CDK15: variants seen among roughly 807,000 people sequenced by gnomAD.
CDK15 encodes the protein cyclin-dependent kinase 15.
Under a neutral mutation model 60.3 loss-of-function variants are expected in CDK15, and 62 were observed. The observed-to-expected ratio is 1.03, with a 90% CI of 0.84 to 1.27. The LOEUF (loss-of-function observed/expected upper bound fraction) is 1.27. Among genes scored for constraint, CDK15 ranks in the 50% most tolerant of loss-of-function variants. The pLI, the probability that CDK15 is intolerant of heterozygous loss-of-function variation, is 0.00. For missense variants in CDK15, 541 were observed against 527.8 expected (o/e 1.03, Z -0.25); for synonymous variants, 194 against 195.7 (o/e 0.99, Z 0.07).
chr2:201,854,992 A>G (rs1227750077), intron 10 of CDK15, 55 bp downstream of exon 10: 1 of 1,531,546 alleles, frequency 6.5e-7, no homozygotes, highest in African/African-American at 1.4e-5. Context: ...TAAGGAGAGC[A>G]TTGGCCACGC....
intron 12 of CDK15, 29 bp downstream of exon 12, chr2:201,880,196 G>A (rs771636237): frequency 3.7e-6 from 6 of 1,611,294 alleles, no homozygotes; most frequent in Admixed American, 1.7e-5. Flanking sequence ...GCGTGTGCGT[G>A]AGTGCATGTG....
intron 8 of CDK15, 35 bp downstream of exon 8, chr2:201,835,798 AC>A (rs1696982785): frequency 6.9e-7 from 1 of 1,442,040 alleles, no homozygotes; most frequent in Non-Finnish European, 9.3e-7. Flanking sequence ...GAGTCATCCT[AC>A]TCACGAGGGT....
chr2:201,850,639 C>A (rs1574900627), intron 9 of CDK15, among the ~76,000 whole-genome samples: 1 of 152,154 alleles, frequency 6.6e-6, no homozygotes, highest in East Asian at 1.9e-4. Flanking sequence ...AACTTCATTT[C>A]TTTGGGTACA....
chr2:201,820,565 C>T (rs905122196), intron 4 of CDK15, among the ~76,000 whole-genome samples: 6 of 152,194 alleles, frequency 3.9e-5, no homozygotes, highest in Non-Finnish European at 8.8e-5. Flanking sequence ...CTCTCCAGAG[C>T]TTACTCAGAT....
intron 7 of CDK15, among the ~76,000 whole-genome samples, chr2:201,835,167 G>T (rs189604368): frequency 6.6e-6 from 1 of 152,100 alleles, no homozygotes; most frequent in Non-Finnish European, 1.5e-5. Context: ...ACTTTCTTTC[G>T]CATCACAGTC....
intron 4 of CDK15, among the ~76,000 whole-genome samples, chr2:201,820,728 G>T (rs1193134036): frequency 6.6e-6 from 1 of 152,162 alleles, no homozygotes; most frequent in African/African-American, 2.4e-5. Context: ...AAGGGGGAAA[G>T]TCACTCCCTC....
At chr2:201,837,372 GGA>G (rs1209048810) in intron 8 of CDK15, among the ~76,000 whole-genome samples, 2 of 120,370 alleles carry the variant, frequency 1.7e-5, no homozygotes, top group African/African-American at 3.0e-5. Flanking sequence ...AGGGAGAGGG[GGA>G]GAGAGGGGGA....
intron 4 of CDK15, among the ~76,000 whole-genome samples, chr2:201,817,456 T>G (rs1021110190): frequency 1.3e-5 from 2 of 152,224 alleles, no homozygotes; most frequent in Non-Finnish European, 2.9e-5. Context: ...AAATAATACA[T>G]CATGTTGTAT....
At chr2:201,851,900 C>A (rs1697927911) in intron 9 of CDK15, among the ~76,000 whole-genome samples, 1 of 152,154 alleles carries the variant, frequency 6.6e-6, no homozygotes, top group African/African-American at 2.4e-5. Context: ...TTCTGGTGAT[C>A]CACCTGCCTC....
chr2:201,857,891 T>G (rs1300818361), intron 10 of CDK15, among the ~76,000 whole-genome samples: 1 of 152,020 alleles, frequency 6.6e-6, no homozygotes, highest in African/African-American at 2.4e-5. Context: ...TGAATGTCAG[T>G]GATTAAGGGG....
Position 201,835,686 on chromosome 2 carries a change from A to C in CDK15, c.774A>C (p.Ser258=). ...CCATTCCCAGCCAGACATACTCTTC[A>C]GAAGTCGTGACCCTCTGGTACCGGC... ...AKSIPSQTYS[S]EVVTLWYRPP... is the part of the protein sequence containing the mutation. The change falls in exon 8 of 14, where the codon TCA becomes TCC. Residue 258 remains serine, a synonymous_variant. Transcript: ENST00000652192. 2 of 1,611,678 alleles carry C rather than the reference A, an allele frequency of 1.2e-6. No homozygotes were observed. The highest frequency in any genetic ancestry group is 1.3e-5 in the African/African-American group (1 of 74,866).
intron 8 of CDK15, 78 bp from the exon 9 acceptor site, chr2:201,847,303 G>A: frequency 2.2e-6 from 3 of 1,347,696 alleles, no homozygotes; most frequent in Non-Finnish European, 3.1e-6. Context: ...TATTTCTTGG[G>A]AAGAGAAATT....
intron 8 of CDK15, among the ~76,000 whole-genome samples, chr2:201,846,186 G>A (rs1697655202): frequency 1.3e-5 from 2 of 152,016 alleles, no homozygotes; most frequent in South Asian, 4.2e-4. Flanking sequence ...AACATCAAAT[G>A]AGCCAGCATC....
At chr2:201,819,109 G>A (rs761473996) in intron 4 of CDK15, among the ~76,000 whole-genome samples, 25 of 152,208 alleles carry the variant, frequency 1.6e-4, no homozygotes, top group Non-Finnish European at 3.2e-4. Flanking sequence ...GCAGGGCCCA[G>A]AGAGAGAGGG....
chr2:201,859,807 T>C (rs1698309186), intron 10 of CDK15, among the ~76,000 whole-genome samples: 1 of 152,230 alleles, frequency 6.6e-6, no homozygotes, highest in Non-Finnish European at 1.5e-5. Context: ...AAATTCCCTT[T>C]AAATAGATGT....
intron 10 of CDK15, among the ~76,000 whole-genome samples, chr2:201,858,093 A>C (rs1698221654): frequency 6.6e-6 from 1 of 152,160 alleles, no homozygotes; most frequent in Non-Finnish European, 1.5e-5. Flanking sequence ...GTGTCCATCT[A>C]CACCCATGCC....
intron 10 of CDK15, among the ~76,000 whole-genome samples, chr2:201,866,274 G>GAAAATGTTACTATATATATTATATATA (rs2105807824): frequency 6.6e-6 from 1 of 152,268 alleles, no homozygotes; most frequent in Admixed American, 6.5e-5. Flanking sequence ...ATAGTAACTA[G>GAAAATGTTACTATATATATTATATATA]AAAATGTTTT....
chr2:201,866,121 T>C (rs1246870870), intron 10 of CDK15, among the ~76,000 whole-genome samples: 2 of 151,788 alleles, frequency 1.3e-5, no homozygotes, highest in Non-Finnish European at 2.9e-5. Context: ...AAGTTACTGC[T>C]TCAGATAGCG....
chr2:201,888,389 C>G, intron 12 of CDK15: 7 of 1,511,782 alleles, frequency 4.6e-6, no homozygotes, highest in Non-Finnish European at 6.1e-6. Context: ...GTCCTGCCGA[C>G]TGTCTAGATG....
Sources: gnomAD v4.1 joint callset for allele counts (sites outside exome capture counted in the v4.1 genomes callset) on GRCh38, gnomAD v4.1.1 for gene constraint, MANE v1.5 for transcripts, NCBI Gene and HGNC (gene_info 2026-07-23, HGNC 2026-07-21) for gene names.